Variants in KAZN observed in about 807,000 individuals in gnomAD.
KAZN encodes kazrin, periplakin interacting protein, also known as kazrin.
In KAZN, 40 loss-of-function variants were observed where a neutral mutation model predicts 87.4. That is an observed-to-expected ratio of 0.46 (90% CI 0.36 to 0.60). KAZN has a LOEUF of 0.60. Ranked by LOEUF, KAZN falls within the 20% of genes least tolerant of loss-of-function variation. KAZN has a pLI of 0.00. For missense variants in KAZN, 898 were observed against 1,073.9 expected, an observed-to-expected ratio of 0.84 and a Z score of 2.29; for synonymous variants, 466 against 458.3, an observed-to-expected ratio of 1.02 and a Z score of -0.22.
intron 1 of KAZN, among the ~76,000 whole-genome samples, chr1:14,732,312 A>G (rs1334065047): frequency 2.0e-5 from 3 of 152,134 alleles, no homozygotes; most frequent in Non-Finnish European, 4.4e-5. Context: ...GTAGGCACAC[A>G]AGTTCCATTT....
Position 14,783,656 on chromosome 1 carries a change from G to A in KAZN, c.227-177028G>A, listed in dbSNP as rs564436727. On this transcript the variant is annotated intron_variant, in intron 1 of 14. Transcript: ENST00000376030. ...GATCTTAGCCATCTGGGTATGGAGGGAAGAGCACCGTGCCTGCCTGAAGAA... is the reference window on the plus strand; with the variant it reads ...GATCTTAGCCATCTGGGTATGGAGGAAAGAGCACCGTGCCTGCCTGAAGAA... Among the ~76,000 whole-genome samples, 8 of 152,324 alleles carry A rather than the reference G, an allele frequency of 5.3e-5. No individual in the cohort carries two copies. In the South Asian group the frequency reaches 1.2e-3, roughly 24 times the overall value.
intron 1 of KAZN, among the ~76,000 whole-genome samples, chr1:13,915,913 G>T (rs776234226): frequency 6.6e-6 from 1 of 152,200 alleles, no homozygotes; most frequent in Non-Finnish European, 1.5e-5. Context: ...CAATTCAGAT[G>T]GCATTAGGGA....
In KAZN at chr1:14,805,200, G is replaced by C. The variant is rs118069466; in HGVS notation, c.227-155484G>C. Among the ~76,000 whole-genome samples the C allele has an allele frequency of 1.8e-4, 27 of 152,294 alleles. No homozygotes were observed. In the East Asian group the frequency reaches 3.1e-3, roughly 17 times the overall value. ...TTTTCTCTTCTGTGAGAGTCCAGAG[G>C]AGGTGGTCCAGGGTAGCTCTGCCCC... is the stretch of plus-strand genomic sequence containing the variant. On this transcript the variant is annotated intron_variant, in intron 1 of 14. Transcript: ENST00000376030.
intron 1 of KAZN, among the ~76,000 whole-genome samples, chr1:14,038,359 A>G (rs1641649776): frequency 6.6e-6 from 1 of 152,178 alleles, no homozygotes; most frequent in Non-Finnish European, 1.5e-5. Context: ...AGTTAGCCAT[A>G]TGGTTCTCTG....
intron 2 of KAZN, among the ~76,000 whole-genome samples, chr1:14,441,853 T>C (rs1463442615): frequency 6.6e-6 from 1 of 152,148 alleles, no homozygotes; most frequent in African/African-American, 2.4e-5. Flanking sequence ...TAGATGTGTA[T>C]GGTAAAGGCA....
chr1:14,777,102 G>A (rs977647929), intron 1 of KAZN, among the ~76,000 whole-genome samples: 4 of 152,178 alleles, frequency 2.6e-5, no homozygotes, highest in East Asian at 1.9e-4. Flanking sequence ...CCGGGTTCAC[G>A]CCAGCTTCCT....
chr1:14,047,287 A>G (rs1642117259), intron 1 of KAZN, among the ~76,000 whole-genome samples: 1 of 152,224 alleles, frequency 6.6e-6, no homozygotes. Flanking sequence ...TCTAATGAGC[A>G]CATCTCTTTG....
At chr1:14,812,322 G>A (rs979690213) in intron 1 of KAZN, among the ~76,000 whole-genome samples, 3 of 152,106 alleles carry the variant, frequency 2.0e-5, no homozygotes, top group African/African-American at 7.2e-5. Context: ...TCCTTAGCTG[G>A]TCTCCTTGTA....
At chr1:15,020,780 C>T (rs573212397) in intron 2 of KAZN, among the ~76,000 whole-genome samples, 2 of 152,134 alleles carry the variant, frequency 1.3e-5, no homozygotes, top group South Asian at 4.1e-4. Flanking sequence ...AGACATATAC[C>T]CAGGTAGGAA....
intron 2 of KAZN, among the ~76,000 whole-genome samples, chr1:14,418,013 A>C (rs1664958051): frequency 5.8e-5 from 5 of 86,656 alleles, no homozygotes; most frequent in Admixed American, 1.0e-4. Context: ...AAAAAAAAAA[A>C]AAAAAAAAAA....
chr1:14,720,553 TTC>T (rs1252983985), intron 1 of KAZN, among the ~76,000 whole-genome samples: 1 of 152,252 alleles, frequency 6.6e-6, no homozygotes, highest in East Asian at 1.9e-4. Flanking sequence ...ACAAACCATC[TTC>T]TGTCGCTGAC....
chr1:14,025,108 A>C (rs1022195640), intron 1 of KAZN, among the ~76,000 whole-genome samples: 1 of 152,252 alleles, frequency 6.6e-6, no homozygotes, highest in African/African-American at 2.4e-5. Flanking sequence ...AGTTCCAAAC[A>C]GAACAGGTCA....
At chr1:14,992,243 G>A (rs895714935) in intron 2 of KAZN, among the ~76,000 whole-genome samples, 16 of 152,172 alleles carry the variant, frequency 1.1e-4, no homozygotes, top group Non-Finnish European at 8.8e-5. Context: ...CCTCCTCAGG[G>A]AGAAGCAGGG....
At chr1:14,601,087 C>T (rs970236927) in intron 1 of KAZN, among the ~76,000 whole-genome samples, 1 of 152,144 alleles carries the variant, frequency 6.6e-6, no homozygotes, top group African/African-American at 2.4e-5. Flanking sequence ...TCCTTAAAAA[C>T]ACATAAAACC....
intron 2 of KAZN, among the ~76,000 whole-genome samples, chr1:15,000,887 T>G (rs180770883): frequency 1.1e-4 from 17 of 151,954 alleles, no homozygotes; most frequent in Non-Finnish European, 1.9e-4. Flanking sequence ...GAGAATCACT[T>G]GAGCCCAAAA....
intron 2 of KAZN, among the ~76,000 whole-genome samples, chr1:14,186,016 C>T (rs1646297789): frequency 6.6e-6 from 1 of 152,142 alleles, no homozygotes. Context: ...AGTTGCACCT[C>T]TTACTTGGGG....
At chr1:14,063,782 C>G (rs557625895) in intron 1 of KAZN, among the ~76,000 whole-genome samples, 56 of 152,232 alleles carry the variant, frequency 3.7e-4, no homozygotes, top group African/African-American at 1.3e-3. Flanking sequence ...CCATACTGTT[C>G]TTGTGGTAGT....
At chr1:14,512,703 C>T (rs1670977563) in intron 2 of KAZN, among the ~76,000 whole-genome samples, 1 of 152,232 alleles carries the variant, frequency 6.6e-6, no homozygotes, top group African/African-American at 2.4e-5. Context: ...TGTTCCGACA[C>T]CCACTGGCAC....
intron 1 of KAZN, among the ~76,000 whole-genome samples, chr1:14,677,294 A>T (rs1055921230): frequency 6.6e-6 from 1 of 152,164 alleles, no homozygotes; most frequent in African/African-American, 2.4e-5. Flanking sequence ...AGGGATAATG[A>T]TATAACTTAT....
Sources: allele counts gnomAD v4.1 joint callset (sites outside exome capture counted in the v4.1 genomes callset), GRCh38; gene constraint gnomAD v4.1.1; transcripts MANE v1.5; gene names NCBI Gene and HGNC (gene_info 2026-07-23, HGNC 2026-07-21).